CCNH: variants seen among roughly 807,000 people sequenced by gnomAD.
The protein encoded by CCNH is cyclin H, also known as cyclin-H.
In CCNH, 31 loss-of-function variants were observed where a neutral mutation model predicts 41.9. That is an observed-to-expected ratio of 0.74 (90% CI 0.56 to 1.00). The LOEUF is 1.00. Ranked by LOEUF, CCNH falls within the 50% of genes least tolerant of loss-of-function variation. The probability of loss-of-function intolerance (pLI) is 0.00; values close to 1 mark genes in which losing one functional copy is unlikely to be tolerated. For synonymous variants in CCNH, 138 were observed against 136.1 expected (o/e 1.01, Z -0.10); for missense variants, 362 against 388.4 (o/e 0.93, Z 0.57).
rs1415829265 is a variant in CCNH at position 87,368,666 on chromosome 5, CT to C, written c.*90+24103del. ...CTCAATGGAAAGCCTGAAATTCATT[CT>C]TTTTTCTCCTAGCACTATCAAACTA... is the stretch of plus-strand genomic sequence containing the variant. On this transcript the variant is annotated intron_variant and NMD_transcript_variant, in intron 9 of 9. Coordinates refer to the CCNH transcript ENST00000645953. 3.3e-5 allele frequency among the ~76,000 whole-genome samples: 5 copies of C among 152,246 alleles called. No individual in the cohort carries two copies. The East Asian group carries it at 7.7e-4, about 23-fold the overall frequency.
At chr5:87,317,213 T>C (rs531699139), downstream of CCNH, among the ~76,000 whole-genome samples, 5 of 152,298 alleles carry the variant, frequency 3.3e-5, no homozygotes, top group African/African-American at 1.2e-4. Context: ...ACTTCATCTG[T>C]ACTTTTATTA....
chr5:87,348,383 T>C lies in CCNH; in HGVS notation c.*91-29486A>G, dbSNP rs200622261. On this transcript the variant is annotated intron_variant and NMD_transcript_variant, in intron 9 of 9. Coordinates refer to the CCNH transcript ENST00000645953. ...CTGATCTTTTCTGGATCATTTGAAC[T>C]TAAATGGAGAAAAGGCAGAGCATCT... Among the ~76,000 whole-genome samples the C allele has an allele frequency of 2.0e-5, 3 of 151,968 alleles. No homozygotes were observed. The East Asian group carries it at 5.8e-4, about 29-fold the overall frequency.
chr5:87,383,667 T>C, intron 9 of CCNH: 1 of 1,379,714 alleles, frequency 7.2e-7, no homozygotes, highest in Non-Finnish European at 1.0e-6. Flanking sequence ...ACACATTATA[T>C]AGGTGTTTTC....
chr5:87,322,743 G>A (rs989709475), intron 9 of CCNH, among the ~76,000 whole-genome samples: 1 of 152,150 alleles, frequency 6.6e-6, no homozygotes, highest in Non-Finnish European at 1.5e-5. Context: ...AAGGGCTATG[G>A]GAGTTATAAG....
chr5:87,411,444 C>T, intron 1 of CCNH, 98 bp from the exon 2 acceptor site: 1 of 1,180,740 alleles, frequency 8.5e-7, no homozygotes, highest in South Asian at 1.7e-5. Flanking sequence ...GTTTATATAT[C>T]CAACGAAGGG....
At chr5:87,394,629 T>C in intron 8 of CCNH, 145 bp from the exon 9 acceptor site, 6 of 1,461,424 alleles carry the variant, frequency 4.1e-6, no homozygotes, top group Non-Finnish European at 5.4e-6. Context: ...AATAGTTCAC[T>C]GTTAGTAATG....
intron 9 of CCNH, chr5:87,332,378 T>TTTAGTA: frequency 1.1e-6 from 1 of 918,326 alleles, no homozygotes; most frequent in South Asian, 1.7e-5. Flanking sequence ...TAAGTGGTAT[T>TTTAGTA]TTAGTATAAG....
At chr5:87,317,783 A>G (rs1480206454), downstream of CCNH, among the ~76,000 whole-genome samples, 1 of 151,890 alleles carries the variant, frequency 6.6e-6, no homozygotes, top group Non-Finnish European at 1.5e-5. Context: ...TTACAGGCGC[A>G]TACCACCACA....
At chr5:87,383,850 CTCTTAAA>C in intron 9 of CCNH, 1 of 1,171,098 alleles carries the variant, frequency 8.5e-7, no homozygotes, top group Non-Finnish European at 1.2e-6. Flanking sequence ...TTTAAGAATA[CTCTTAAA>C]TCTTTTTTTT....
chr5:87,319,140 C>T (rs1440879432), intron 9 of CCNH, among the ~76,000 whole-genome samples: 1 of 152,226 alleles, frequency 6.6e-6, no homozygotes, highest in Non-Finnish European at 1.5e-5. Context: ...CAGCTCTGCC[C>T]CATGGCTCTG....
chr5:87,374,252 T>C (rs1761156206), downstream of CCNH: 1 of 1,602,264 alleles, frequency 6.2e-7, no homozygotes, highest in East Asian at 2.3e-5. Flanking sequence ...ACCTGAATAG[T>C]GTCCAAGTAG....
downstream of CCNH, among the ~76,000 whole-genome samples, chr5:87,374,509 A>G (rs1221622056): frequency 1.5e-5 from 2 of 129,716 alleles, no homozygotes; most frequent in Admixed American, 8.2e-5. Context: ...GTGAAGTGCT[A>G]TGCCCTTGGT....
chr5:87,406,674 C>G (rs2112573539), intron 4 of CCNH, among the ~76,000 whole-genome samples: 1 of 151,554 alleles, frequency 6.6e-6, no homozygotes, highest in South Asian at 2.1e-4. Flanking sequence ...TACTTTTAGT[C>G]CCAAATTTTT....
rs759467176 is a variant in CCNH, at chr5:87,337,961, T to C, written c.*91-19064A>G. The C allele has an allele frequency of 5.6e-6, 9 of 1,601,168 alleles. 1 individual carries two copies. In the Admixed American group the frequency reaches 1.5e-4, roughly 27 times the overall value. ...ATTTTTAAATTTAATAACTTTAAAA[T>C]TGCTATTTTCAGTTTCTTAAAAGGA... On this transcript the variant is annotated intron_variant and NMD_transcript_variant, in intron 9 of 9. Coordinates refer to the CCNH transcript ENST00000645953.
Position 87,394,403 on chromosome 5 carries a change from A to G in CCNH, c.*43T>C, listed in dbSNP as rs756642239. 2.9e-5 allele frequency: 47 copies of G among 1,600,322 alleles called. No homozygotes were observed. Among genetic ancestry groups the G allele is most frequent in the Non-Finnish European group, 3.6e-5 (42 of 1,171,512 alleles). On this transcript the variant is annotated 3_prime_UTR_variant, in exon 9 of 9. Coordinates refer to ENST00000256897, the MANE Select transcript of CCNH (RefSeq NM_001239.4). ...AAGTTAAACGTTTGATATGCTTCCT[A>G]CTTCTCTTGATTAGTTAGCATTGAG...
At chr5:87,363,579 T>G in intron 9 of CCNH, 2 of 1,495,976 alleles carry the variant, frequency 1.3e-6, no homozygotes, top group Non-Finnish European at 1.9e-6. Context: ...CAAACCAATT[T>G]TGAGAGCCCT....
At position 87,405,002 on chromosome 5, in the gene CCNH, G is replaced by A; in HGVS notation, c.531C>T (p.Arg177=). Residue 177 remains arginine (R), a synonymous_variant, in exon 5 of 9, where the codon CGC becomes CGT. Coordinates refer to ENST00000256897, the MANE Select transcript of CCNH (RefSeq NM_001239.4). ...FEGFLIDLKT[R]YPILENPEIL... Reference sequence around the variant, plus strand: ...TCTCTGGATTCTCCAATATGGGATAGCGGGTCTACAAAGAAAGTTTGCAAA... The same window carrying A: ...TCTCTGGATTCTCCAATATGGGATAACGGGTCTACAAAGAAAGTTTGCAAA... 6.2e-7 allele frequency: 1 copy of A among 1,609,652 alleles called. No individual in the cohort carries two copies. Among genetic ancestry groups the A allele is most frequent in the Non-Finnish European group, 8.5e-7 (1 of 1,178,288 alleles).
intron 9 of CCNH, among the ~76,000 whole-genome samples, chr5:87,359,682 A>C (rs1186722418): frequency 6.6e-6 from 1 of 152,214 alleles, no homozygotes; most frequent in Non-Finnish European, 1.5e-5. Context: ...CCAGGAAAGT[A>C]AAGTCATCAC....
intron 7 of CCNH, among the ~76,000 whole-genome samples, chr5:87,398,845 C>T (rs1484552512): frequency 1.3e-5 from 2 of 151,846 alleles, no homozygotes; most frequent in East Asian, 1.9e-4. Flanking sequence ...TGGTGGAGGG[C>T]GCCTGTAGTC....
Sources: allele counts gnomAD v4.1 joint callset (sites outside exome capture counted in the v4.1 genomes callset), GRCh38; gene constraint gnomAD v4.1.1; transcripts MANE v1.5; gene names NCBI Gene and HGNC (gene_info 2026-07-23, HGNC 2026-07-21).